MALRD1: variants seen among roughly 807,000 people sequenced by gnomAD.
MALRD1 encodes MAM and LDL-receptor class A domain-containing protein 1.
In MALRD1, 247 loss-of-function variants were observed where a neutral mutation model predicts 242.1. The observed-to-expected ratio is 1.02, with a 90% CI of 0.92 to 1.13. The LOEUF (loss-of-function observed/expected upper bound fraction) is 1.13. Ranked by LOEUF, MALRD1 falls within the 50% of genes most tolerant of loss-of-function variation. The pLI is 0.00. For missense variants in MALRD1, 2,989 were observed against 2,533.1 expected, an observed-to-expected ratio of 1.18 and a Z score of -3.86; for synonymous variants, 995 against 866.6, an observed-to-expected ratio of 1.15 and a Z score of -2.60.
At chr10:19,603,026 C>T (rs1448086644) in intron 34 of MALRD1, among the ~76,000 whole-genome samples, 1 of 152,116 alleles carries the variant, frequency 6.6e-6, no homozygotes. Flanking sequence ...ATCCTTTGCC[C>T]ACCTGTTGAT....
At chr10:19,388,881 G>GAAAAAAAAAAAAAAAAAAAA (rs11405183) in intron 27 of MALRD1, among the ~76,000 whole-genome samples, 1 of 117,208 alleles carries the variant, frequency 8.5e-6, no homozygotes, top group African/African-American at 3.7e-5. Flanking sequence ...TAGGTCTACT[G>GAAAAAAAAAAAAAAAAAAAA]AAAAAAAAAA....
rs1222800226 is a variant in MALRD1 at position 19,292,537 on chromosome 10, C to G, written c.3419+9356C>G. ...ATGGTCCCCACTGCTGCTCATGCACCTGCTTTCCTATCTGTATTATACATT... is the reference window on the plus strand; with the variant it reads ...ATGGTCCCCACTGCTGCTCATGCACGTGCTTTCCTATCTGTATTATACATT... On this transcript the variant is annotated intron_variant, in intron 21 of 39. Transcript: ENST00000454679. Among the ~76,000 whole-genome samples the G allele has an allele frequency of 3.3e-5, 5 of 152,220 alleles. No homozygotes were observed. In the East Asian group the frequency reaches 9.7e-4, roughly 29 times the overall value.
intron 32 of MALRD1, among the ~76,000 whole-genome samples, chr10:19,536,482 C>G (rs1834680390): frequency 6.6e-6 from 1 of 151,746 alleles, no homozygotes; most frequent in Admixed American, 6.6e-5. Context: ...TGGAAACATT[C>G]TACATATGGT....
chr10:19,047,756 C>T (rs1327167315), upstream of MALRD1, among the ~76,000 whole-genome samples: 1 of 152,090 alleles, frequency 6.6e-6, no homozygotes, highest in African/African-American at 2.4e-5. Context: ...AGAATGTCTA[C>T]ACAAAATGTA....
intron 26 of MALRD1, among the ~76,000 whole-genome samples, chr10:19,353,868 TTTTGTTTGTTTG>T (rs532642522): frequency 2.6e-5 from 4 of 151,706 alleles, no homozygotes; most frequent in African/African-American, 9.7e-5. Flanking sequence ...TTTCTGGTGG[TTTTGTTTGTTTG>T]TTTGTTTGTT....
intron 28 of MALRD1, among the ~76,000 whole-genome samples, chr10:19,435,525 T>C (rs1390646993): frequency 6.6e-6 from 1 of 152,154 alleles, no homozygotes; most frequent in African/African-American, 2.4e-5. Flanking sequence ...ACTGATCAGG[T>C]ATTTTTTAGA....
At chr10:19,111,696 C>A (rs12774563) in intron 5 of MALRD1, among the ~76,000 whole-genome samples, 286 of 152,300 alleles carry the variant, frequency 1.9e-3, no homozygotes, top group Non-Finnish European at 2.9e-3. Context: ...AATGTCATCT[C>A]CTGGGAATGC....
rs186609332 is a variant in MALRD1, at chr10:19,305,362, G to A, written c.3420-18587G>A. ...TGAAAATTATACGAATAAGAAATATGCCCCAAGTAAGGTTTTCAGGTTATG... is the reference window on the plus strand; with the variant it reads ...TGAAAATTATACGAATAAGAAATATACCCCAAGTAAGGTTTTCAGGTTATG... On this transcript the variant is annotated intron_variant, in intron 21 of 39. Coordinates refer to ENST00000454679, the MANE Select transcript of MALRD1 (RefSeq NM_001142308.3). 1.8e-3 allele frequency among the ~76,000 whole-genome samples: 272 copies of A among 151,560 alleles called. 1 individual carries two copies. The highest frequency in any genetic ancestry group is 6.4e-3 in the African/African-American group (265 of 41,420).
chr10:19,728,246 A>G (rs1318306249), intron 38 of MALRD1, among the ~76,000 whole-genome samples: 1 of 152,176 alleles, frequency 6.6e-6, no homozygotes, highest in Non-Finnish European at 1.5e-5. Flanking sequence ...TTACTCTTAA[A>G]TATCATCTTC....
chr10:19,479,604 G>A (rs1012896988), intron 29 of MALRD1, among the ~76,000 whole-genome samples: 3 of 152,160 alleles, frequency 2.0e-5, no homozygotes, highest in African/African-American at 4.8e-5. Context: ...AATGAGGCAC[G>A]TATAAATTCG....
At chr10:19,187,996 C>A (rs533512121) in intron 14 of MALRD1, among the ~76,000 whole-genome samples, 8 of 152,284 alleles carry the variant, frequency 5.3e-5, no homozygotes, top group Admixed American at 2.0e-4. Flanking sequence ...AATTAAATCA[C>A]AATCTCTAGG....
chr10:19,366,743 T>C (rs1845128186), intron 26 of MALRD1, among the ~76,000 whole-genome samples: 1 of 152,122 alleles, frequency 6.6e-6, no homozygotes, highest in African/African-American at 2.4e-5. Flanking sequence ...TATATACACA[T>C]CTCCTTGTAA....
At chr10:19,658,243 T>A (rs570705679) in intron 36 of MALRD1, among the ~76,000 whole-genome samples, 18 of 152,298 alleles carry the variant, frequency 1.2e-4, no homozygotes, top group Middle Eastern at 3.4e-3. Flanking sequence ...AGTCTACACA[T>A]CTTGCTTTCT....
chr10:19,474,323 A>G (rs2131150627), intron 29 of MALRD1, among the ~76,000 whole-genome samples: 1 of 152,310 alleles, frequency 6.6e-6, no homozygotes, highest in East Asian at 1.9e-4. Flanking sequence ...AGTTATAAAT[A>G]TAGAAACATT....
rs931530403 is a variant in MALRD1, at chr10:19,531,175, T to G, written c.5321-19T>G. 2.0e-6 allele frequency: 3 copies of G among 1,532,588 alleles called. No individual in the cohort carries two copies. The highest frequency in any genetic ancestry group is 4.9e-5 in the East Asian group (2 of 40,490). The allele number at this position is 1,532,588 out of a possible 1,614,324, so 94.9% of individuals were successfully genotyped here. ...ATATTATCATTACACTGAAAAAAAT[T>G]TTGTTAATCTATTTCAAGGTAGTGG... On this transcript the variant is annotated intron_variant, in intron 31 of 39. Transcript: ENST00000454679.
At chr10:19,601,162 G>A (rs1230890174) in intron 34 of MALRD1, among the ~76,000 whole-genome samples, 1 of 152,088 alleles carries the variant, frequency 6.6e-6, no homozygotes, top group Non-Finnish European at 1.5e-5. Flanking sequence ...GCTTACAGGT[G>A]TGAGCCACTG....
chr10:19,681,534 G>T (rs1842372173), intron 36 of MALRD1, among the ~76,000 whole-genome samples: 1 of 151,990 alleles, frequency 6.6e-6, no homozygotes, highest in Non-Finnish European at 1.5e-5. Context: ...CCTCAAACCT[G>T]GTTATTCTGG....
At chr10:19,603,318 T>A (rs891346891) in intron 34 of MALRD1, among the ~76,000 whole-genome samples, 5 of 152,216 alleles carry the variant, frequency 3.3e-5, no homozygotes, top group African/African-American at 4.8e-5. Flanking sequence ...AGGGTTTTTA[T>A]GATTTTAGGT....
chr10:19,167,077 G>A (rs1834717622), intron 13 of MALRD1, among the ~76,000 whole-genome samples: 1 of 152,158 alleles, frequency 6.6e-6, no homozygotes, highest in South Asian at 2.1e-4. Flanking sequence ...TCAAGTTAAA[G>A]GGTTGGGGGT....
Sources: gnomAD v4.1 joint callset for allele counts (sites outside exome capture counted in the v4.1 genomes callset) on GRCh38, gnomAD v4.1.1 for gene constraint, MANE v1.5 for transcripts, NCBI Gene and HGNC (gene_info 2026-07-23, HGNC 2026-07-21) for gene names.